Variants in SLC24A3 observed in about 807,000 individuals in gnomAD.
SLC24A3 encodes the protein solute carrier family 24 member 3, also known as sodium/potassium/calcium exchanger 3.
In SLC24A3, 28 loss-of-function variants were observed where a neutral mutation model predicts 75.8. That is an observed-to-expected ratio of 0.37 (90% confidence interval 0.27 to 0.51). The LOEUF is 0.51. Ranked by LOEUF, SLC24A3 falls within the 20% of genes least tolerant of loss-of-function variation. The pLI, the probability that SLC24A3 is intolerant of heterozygous loss-of-function variation, is 0.94. For missense variants in SLC24A3, 663 were observed against 847.8 expected, an observed-to-expected ratio of 0.78 and a Z score of 2.71; for synonymous variants, 372 against 334.1, an observed-to-expected ratio of 1.11 and a Z score of -1.24.
intron 2 of SLC24A3, among the ~76,000 whole-genome samples, chr20:19,329,987 T>C (rs1984962696): frequency 6.6e-6 from 1 of 152,174 alleles, no homozygotes; most frequent in African/African-American, 2.4e-5. Context: ...TTGGAATTAG[T>C]TTTAATCATC....
At chr20:19,502,891 A>AG (rs1988406984) in intron 2 of SLC24A3, among the ~76,000 whole-genome samples, 1 of 147,384 alleles carries the variant, frequency 6.8e-6, no homozygotes, top group African/African-American at 2.6e-5. Flanking sequence ...AAAAAAAAAA[A>AG]TAGCTGGGCA....
chr20:19,537,493 G>A (rs1406497117), intron 3 of SLC24A3, among the ~76,000 whole-genome samples: 1 of 152,178 alleles, frequency 6.6e-6, no homozygotes, highest in Non-Finnish European at 1.5e-5. Flanking sequence ...TCTAGAACTA[G>A]AAATACCATT....
At chr20:19,252,643 C>CCG (rs113050087) in intron 1 of SLC24A3, among the ~76,000 whole-genome samples, 1 of 133,364 alleles carries the variant, frequency 7.5e-6, no homozygotes, top group Non-Finnish European at 1.7e-5. Flanking sequence ...ATTGGAATGG[C>CCG]GGGGGGGGGT....
chr20:19,496,365 G>A (rs895510929), intron 2 of SLC24A3, among the ~76,000 whole-genome samples: 1 of 152,148 alleles, frequency 6.6e-6, no homozygotes, highest in African/African-American at 2.4e-5. Context: ...GATGTGCATG[G>A]TTCACTCAGG....
intron 2 of SLC24A3, among the ~76,000 whole-genome samples, chr20:19,408,175 C>T (rs1474132898): frequency 6.6e-6 from 1 of 152,050 alleles, no homozygotes. Flanking sequence ...CATGCCTGTT[C>T]ATTGGAGAAA....
intron 1 of SLC24A3, among the ~76,000 whole-genome samples, chr20:19,249,744 G>T (rs1354797850): frequency 6.6e-6 from 1 of 152,180 alleles, no homozygotes; most frequent in Non-Finnish European, 1.5e-5. Flanking sequence ...AAAAAAATCA[G>T]CATGTTAGTC....
At chr20:19,514,596 G>A (rs990306948) in intron 2 of SLC24A3, among the ~76,000 whole-genome samples, 11 of 152,204 alleles carry the variant, frequency 7.2e-5, no homozygotes, top group Non-Finnish European at 1.2e-4. Context: ...CAAAGGAGCC[G>A]TGGATTCCTA....
At chr20:19,369,683 T>C (rs1228504950) in intron 2 of SLC24A3, among the ~76,000 whole-genome samples, 1 of 152,180 alleles carries the variant, frequency 6.6e-6, no homozygotes, top group Non-Finnish European at 1.5e-5. Flanking sequence ...CCTTGTGAAT[T>C]TCCATTTTTT....
chr20:19,708,916 A>G (rs2032959112), intron 15 of SLC24A3, among the ~76,000 whole-genome samples: 1 of 152,212 alleles, frequency 6.6e-6, no homozygotes, highest in African/African-American at 2.4e-5. Context: ...CTTACCTGGA[A>G]AGCTGAATCA....
chr20:19,251,510 T>G (rs1200228092), intron 1 of SLC24A3, among the ~76,000 whole-genome samples: 1 of 151,144 alleles, frequency 6.6e-6, no homozygotes, highest in Non-Finnish European at 1.5e-5. Context: ...TGAAACAGAG[T>G]GAGGGGAAAG....
At chr20:19,450,775 G>T (rs1001466817) in intron 2 of SLC24A3, among the ~76,000 whole-genome samples, 13 of 152,116 alleles carry the variant, frequency 8.5e-5, no homozygotes, top group African/African-American at 3.1e-4. Flanking sequence ...GAGATGGGTG[G>T]ATCACTTGAG....
At chr20:19,301,970 C>G (rs1375701055) in intron 2 of SLC24A3, among the ~76,000 whole-genome samples, 2 of 152,214 alleles carry the variant, frequency 1.3e-5, no homozygotes, top group African/African-American at 4.8e-5. Flanking sequence ...GTAAAGGAAC[C>G]GGGCATTTGT....
At chr20:19,680,456 G>A (rs895293884) in intron 9 of SLC24A3, among the ~76,000 whole-genome samples, 1 of 152,044 alleles carries the variant, frequency 6.6e-6, no homozygotes, top group African/African-American at 2.4e-5. Flanking sequence ...TCAGCATTCA[G>A]GTTCCATCAC....
intron 7 of SLC24A3, among the ~76,000 whole-genome samples, chr20:19,656,406 T>TG (rs202033299): frequency 0.012 from 1,811 of 152,260 alleles, 38 homozygotes; most frequent in African/African-American, 0.042. Context: ...ACTGAAGACA[T>TG]GCTTCTGTTA....
intron 7 of SLC24A3, among the ~76,000 whole-genome samples, chr20:19,662,496 T>G (rs2032338968): frequency 6.6e-6 from 1 of 152,208 alleles, no homozygotes; most frequent in Non-Finnish European, 1.5e-5. Flanking sequence ...TTAATAGAAC[T>G]GCGAAAATGG....
intron 2 of SLC24A3, among the ~76,000 whole-genome samples, chr20:19,404,796 G>T (rs1198802326): frequency 6.6e-6 from 1 of 152,158 alleles, no homozygotes; most frequent in Non-Finnish European, 1.5e-5. Context: ...AGGACTGAAG[G>T]GGCTCTTCCC....
At chr20:19,424,119 CA>C (rs1986960746) in intron 2 of SLC24A3, among the ~76,000 whole-genome samples, 2 of 152,158 alleles carry the variant, frequency 1.3e-5, no homozygotes, top group African/African-American at 2.4e-5. Context: ...CAAGGGAGGC[CA>C]GGGGTGACAA....
intron 2 of SLC24A3, among the ~76,000 whole-genome samples, chr20:19,337,073 T>A (rs750155339): frequency 6.6e-6 from 1 of 152,198 alleles, no homozygotes; most frequent in African/African-American, 2.4e-5. Context: ...TGTGTGTGGC[T>A]GCTGAGATAA....
intron 3 of SLC24A3, among the ~76,000 whole-genome samples, chr20:19,528,086 G>C (rs1452447673): frequency 6.6e-6 from 1 of 152,134 alleles, no homozygotes; most frequent in Non-Finnish European, 1.5e-5. Context: ...AGACCCCTTT[G>C]TTTCCCTGAT....
Sources: gnomAD v4.1 joint callset for allele counts (sites outside exome capture counted in the v4.1 genomes callset) on GRCh38, gnomAD v4.1.1 for gene constraint, MANE v1.5 for transcripts, NCBI Gene and HGNC (gene_info 2026-07-23, HGNC 2026-07-21) for gene names.